TRIO: variants seen among roughly 807,000 people sequenced by gnomAD.
TRIO encodes the protein trio Rho guanine nucleotide exchange factor.
Under a neutral mutation model 351.9 loss-of-function variants are expected in TRIO, and 58 were observed. The ratio of observed to expected loss-of-function variants is 0.16; its 90% CI spans 0.13 to 0.21. TRIO has a LOEUF of 0.21. Ranked by LOEUF, TRIO falls within the 10% of genes least tolerant of loss-of-function variation. The probability of loss-of-function intolerance (pLI) is 1.00; values close to 1 mark genes in which losing one functional copy is unlikely to be tolerated. For synonymous variants in TRIO, 1,758 were observed against 1,595.7 expected (o/e 1.10, Z -2.42); for missense variants, 3,201 against 4,027.8 (o/e 0.79, Z 5.56).
intron 8 of TRIO, among the ~76,000 whole-genome samples, chr5:14,308,649 T>TCATCCATCCATC (rs55799712): frequency 1.4e-5 from 2 of 139,264 alleles, no homozygotes; most frequent in African/African-American, 2.7e-5. Context: ...CACCCATTCA[T>TCATCCATCCATC]CATCCATCCA....
chr5:14,336,118 G>A (rs539488023), intron 10 of TRIO, among the ~76,000 whole-genome samples: 6 of 152,176 alleles, frequency 3.9e-5, no homozygotes, highest in African/African-American at 7.2e-5. Context: ...GAGAATTATC[G>A]TAAAGCATTG....
chr5:14,307,102 A>G (rs1163925822), intron 8 of TRIO, among the ~76,000 whole-genome samples: 1 of 152,170 alleles, frequency 6.6e-6, no homozygotes, highest in African/African-American at 2.4e-5. Flanking sequence ...ACATTTTGAA[A>G]TAGTTTCAGG....
At chr5:14,506,027 C>T (rs374703646) in intron 55 of TRIO, among the ~76,000 whole-genome samples, 6 of 152,016 alleles carry the variant, frequency 3.9e-5, no homozygotes, top group Non-Finnish European at 5.9e-5. Flanking sequence ...CGAGATGGGG[C>T]GATGTGTGTG....
intron 1 of TRIO, among the ~76,000 whole-genome samples, chr5:14,245,838 TC>T (rs1484190913): frequency 1.3e-5 from 2 of 152,212 alleles, no homozygotes; most frequent in Non-Finnish European, 2.9e-5. Context: ...AATTTGGCCT[TC>T]CTAAAGCACA....
intron 1 of TRIO, among the ~76,000 whole-genome samples, chr5:14,184,777 G>A (rs1019100821): frequency 3.3e-5 from 5 of 152,140 alleles, no homozygotes; most frequent in African/African-American, 7.2e-5. Flanking sequence ...GGGTGTGAGC[G>A]TGGACGCCTC....
chr5:14,182,312 T>G (rs561202355), intron 1 of TRIO, among the ~76,000 whole-genome samples: 1 of 152,316 alleles, frequency 6.6e-6, no homozygotes, highest in East Asian at 1.9e-4. Context: ...GGTTCCCTCT[T>G]AGCTGAGAAA....
At chr5:14,377,319 C>T (rs1220288525) in intron 19 of TRIO, among the ~76,000 whole-genome samples, 2 of 151,542 alleles carry the variant, frequency 1.3e-5, no homozygotes, top group African/African-American at 2.4e-5. Flanking sequence ...GATCTTGGCT[C>T]ACTGCAGCCT....
At chr5:14,419,001 CT>C (rs1248822779) in intron 33 of TRIO, among the ~76,000 whole-genome samples, 1 of 152,002 alleles carries the variant, frequency 6.6e-6, no homozygotes, top group African/African-American at 2.4e-5. Flanking sequence ...TATGGATGAG[CT>C]TTGAAGGACC....
chr5:14,476,775 T>TA, intron 40 of TRIO, 119 bp from the exon 41 acceptor site: 1 of 798,484 alleles, frequency 1.3e-6, no homozygotes, highest in Non-Finnish European at 1.9e-6. Flanking sequence ...GCCTAGGTGA[T>TA]AGAGTGACAC....
At position 14,345,172 on chromosome 5, in the gene TRIO, G is replaced by A. The variant is rs138817048; in HGVS notation, c.2046+8445G>A. 7.8e-4 allele frequency among the ~76,000 whole-genome samples: 119 copies of A among 152,018 alleles called. 2 individuals carry two copies. Among genetic ancestry groups the A allele is most frequent in the African/African-American group, 2.6e-3 (108 of 41,428 alleles). ...TATACAATTTTTATTTGTTAACATC[G>A]GATCACTATTTTCAAGTAGAGAAAA... On this transcript the variant is annotated intron_variant, in intron 11 of 56. Transcript: ENST00000344204.
intron 48 of TRIO, among the ~76,000 whole-genome samples, chr5:14,491,171 C>T (rs957617416): frequency 6.6e-6 from 1 of 152,182 alleles, no homozygotes; most frequent in African/African-American, 2.4e-5. Flanking sequence ...GGCTTGACCT[C>T]ATGGAGGAGG....
At chr5:14,150,740 T>C (rs1787780067) in intron 1 of TRIO, among the ~76,000 whole-genome samples, 1 of 152,150 alleles carries the variant, frequency 6.6e-6, no homozygotes, top group African/African-American at 2.4e-5. Context: ...TGAACAAAAT[T>C]GAGTTAATTT....
At position 14,488,108 on chromosome 5, in the gene TRIO, G is replaced by A. The variant is rs765576014; in HGVS notation, c.7480G>A (p.Ala2494Thr). The A allele has an allele frequency of 2.5e-6, 4 of 1,609,134 alleles. No homozygotes were observed. Among genetic ancestry groups the A allele is most frequent in the East Asian group, 4.5e-5 (2 of 44,770 alleles). Residue 2494 changes from alanine to threonine, a missense_variant, in exon 48 of 57, where the codon GCC becomes ACC. Coordinates refer to ENST00000344204, the MANE Select transcript of TRIO (RefSeq NM_007118.4). ...CTGGAGCTCCATCCCCGCCTCCCCC[G>A]CCAGCCGACCCGGCTCCTTCACCTT... is the stretch of plus-strand genomic sequence containing the variant. ...SFWSSIPASP[A>T]SRPGSFTFPG...
At position 14,485,152 on chromosome 5, in the gene TRIO, G is replaced by A; in HGVS notation, c.6741G>A (p.Glu2247=). ...ALTSRTGDVV[E]TFILHSSSPS... ...CATCGAGGACGGGTGACGTGGTAGA[G>A]ACCTTCATTTTGCATTCATCTAGTC... The change falls in exon 47 of 57, where the codon GAG becomes GAA. Residue 2247 remains glutamate (E), a synonymous_variant. Coordinates refer to ENST00000344204, the MANE Select transcript of TRIO (RefSeq NM_007118.4). 6.3e-7 allele frequency: 1 copy of A among 1,594,330 alleles called. No individual in the cohort carries two copies. The highest frequency in any genetic ancestry group is 8.6e-7 in the Non-Finnish European group (1 of 1,164,164).
At chr5:14,320,359 C>T (rs898076213) in intron 9 of TRIO, among the ~76,000 whole-genome samples, 4 of 152,122 alleles carry the variant, frequency 2.6e-5, no homozygotes, top group Admixed American at 2.0e-4. Flanking sequence ...GTTCGGCTGG[C>T]GTGGCTCTTC....
In TRIO at chr5:14,291,505, T is replaced by C. The variant is rs773765; in HGVS notation, c.1053+277T>C. ...GGAATGATATTTTCACTTAAAAGAG[T>C]GAACATTTCGGCCGTGCTCACGCCT... On this transcript the variant is annotated intron_variant, in intron 5 of 56. Transcript: ENST00000344204. Among the ~76,000 whole-genome samples, 8,484 of 151,380 alleles carry C rather than the reference T, an allele frequency of 0.056. 255 individuals are homozygous for C. Among genetic ancestry groups the C allele is most frequent in the African/African-American group, 0.076 (3,150 of 41,234 alleles).
intron 34 of TRIO, among the ~76,000 whole-genome samples, chr5:14,445,242 A>G (rs1305008254): frequency 3.3e-5 from 5 of 152,200 alleles, no homozygotes; most frequent in Non-Finnish European, 7.3e-5. Context: ...AAGGAGTGGC[A>G]GTGGGGGCTG....
intron 34 of TRIO, among the ~76,000 whole-genome samples, chr5:14,449,209 A>G (rs2126414168): frequency 6.6e-6 from 1 of 152,272 alleles, no homozygotes; most frequent in African/African-American, 2.4e-5. Flanking sequence ...GGTTCACCCC[A>G]TCTCACCTCT....
At chr5:14,390,170 T>C in intron 25 of TRIO, 61 bp from the exon 26 acceptor site, 1 of 1,493,096 alleles carries the variant, frequency 6.7e-7, no homozygotes, top group Non-Finnish European at 9.2e-7. Context: ...TTCTGGCATA[T>C]CTCACTAGTA....
Sources: gnomAD v4.1 joint callset for allele counts (sites outside exome capture counted in the v4.1 genomes callset) on GRCh38, gnomAD v4.1.1 for gene constraint, MANE v1.5 for transcripts, NCBI Gene and HGNC (gene_info 2026-07-23, HGNC 2026-07-21) for gene names.